The following SYT9 variants were observed in gnomAD, a reference collection of about 807,000 sequenced individuals.
SYT9 encodes the protein synaptotagmin 9.
SYT9 carries 22 observed loss-of-function variants against 48.4 expected under a neutral mutation model. The observed-to-expected ratio is 0.45, with a 90% CI of 0.32 to 0.65. The LOEUF (loss-of-function observed/expected upper bound fraction) is 0.65. Among genes scored for constraint, SYT9 ranks in the 30% least tolerant of loss-of-function variants. The pLI is 0.03. For missense variants in SYT9, 577 were observed against 622.0 expected (o/e 0.93, Z 0.77); for synonymous variants, 265 against 245.0 (o/e 1.08, Z -0.76).
intron 3 of SYT9, among the ~76,000 whole-genome samples, chr11:7,390,516 T>C (rs1183351532): frequency 1.3e-5 from 2 of 152,202 alleles, no homozygotes; most frequent in South Asian, 4.1e-4. Flanking sequence ...TTTAAATGTT[T>C]ATTAATAATT....
At chr11:7,261,357 G>C (rs1307965989) in intron 1 of SYT9, among the ~76,000 whole-genome samples, 2 of 152,088 alleles carry the variant, frequency 1.3e-5, no homozygotes, top group East Asian at 3.9e-4. Context: ...TGATTGGAGA[G>C]GTTATAGTAG....
At chr11:7,362,230 C>T (rs556734524) in intron 3 of SYT9, among the ~76,000 whole-genome samples, 42 of 149,310 alleles carry the variant, frequency 2.8e-4, no homozygotes, top group African/African-American at 1.0e-3. Context: ...CTGCAACCTC[C>T]ACCTCCTGGG....
chr11:7,310,017 G>A (rs542751853), intron 2 of SYT9, among the ~76,000 whole-genome samples: 1 of 152,328 alleles, frequency 6.6e-6, no homozygotes, highest in Admixed American at 6.5e-5. Flanking sequence ...TTTCCCAAGA[G>A]TAAGTGTGAT....
chr11:7,416,090 A>G lies in SYT9; in HGVS notation c.1093A>G (p.Thr365Ala), dbSNP rs138787124. 7.2e-5 allele frequency: 116 copies of G among 1,614,186 alleles called. No individual in the cohort carries two copies. In the African/African-American group the frequency reaches 1.4e-3, roughly 19 times the overall value. Residue 365 changes from threonine (T) to alanine (A), a missense_variant, in exon 4 of 7, where the codon ACG (threonine) becomes GCG (alanine). Transcript: ENST00000318881. Reference protein sequence around the residue: ...ELMFSLCYLPTAGRLTITIIK... With the variant: ...ELMFSLCYLPAAGRLTITIIK... ...GATGTTTTCCCTGTGCTATCTTCCA[A>G]CGGCTGGCAGGCTGACCATTACCAT...
chr11:7,394,485 G>A (rs1846706821), intron 3 of SYT9, among the ~76,000 whole-genome samples: 1 of 152,124 alleles, frequency 6.6e-6, no homozygotes, highest in Non-Finnish European at 1.5e-5. Context: ...CCAGTAATGG[G>A]ATGGCTGGGT....
intron 5 of SYT9, among the ~76,000 whole-genome samples, 186 bp downstream of exon 5, chr11:7,418,314 A>G (rs540041726): frequency 8.5e-5 from 13 of 152,336 alleles, no homozygotes; most frequent in Non-Finnish European, 1.8e-4. Context: ...TCAGACTACC[A>G]AAGTGTCTCT....
At chr11:7,340,286 T>G (rs896805473) in intron 3 of SYT9, among the ~76,000 whole-genome samples, 1 of 152,242 alleles carries the variant, frequency 6.6e-6, no homozygotes, top group Admixed American at 6.5e-5. Context: ...CTTAGTTTTC[T>G]TGAGATGAGT....
intron 1 of SYT9, among the ~76,000 whole-genome samples, chr11:7,269,521 T>C (rs1208052987): frequency 6.6e-6 from 1 of 152,140 alleles, no homozygotes; most frequent in Non-Finnish European, 1.5e-5. Context: ...ATTCAGGTTC[T>C]TTCTGTCTTT....
In SYT9 at chr11:7,467,523, A is replaced by C. The variant is rs1333836447; in HGVS notation, c.*723A>C. The stretch of plus-strand genomic sequence containing the variant: ...CAGAGACCCCCAACACTACTCACTC[A>C]GTAGCTAGCAGCCCCTTCCTTTCAA... On this transcript the variant is annotated 3_prime_UTR_variant, in exon 7 of 7. Transcript: ENST00000318881. 6.6e-6 allele frequency: 1 copy of C among 152,258 alleles called. No homozygotes were observed. The highest frequency in any genetic ancestry group is 1.5e-5 in the Non-Finnish European group (1 of 68,078). 9.4% of individuals were successfully genotyped at this position (152,258 alleles called of 1,614,324 possible). A position where few individuals can be genotyped will look rare whatever the true frequency, so the allele number is the denominator to read the frequency against.
intron 1 of SYT9, among the ~76,000 whole-genome samples, chr11:7,284,761 T>C (rs981138202): frequency 6.6e-6 from 1 of 152,158 alleles, no homozygotes; most frequent in African/African-American, 2.4e-5. Flanking sequence ...TTTGCCAATT[T>C]CTTCCCCTCC....
intron 1 of SYT9, among the ~76,000 whole-genome samples, chr11:7,297,106 G>C (rs938268387): frequency 6.6e-6 from 1 of 151,180 alleles, no homozygotes; most frequent in Non-Finnish European, 1.5e-5. Flanking sequence ...GAGAGACAGA[G>C]AGAGAGAGAG....
intron 1 of SYT9, among the ~76,000 whole-genome samples, chr11:7,268,095 T>G (rs1848224974): frequency 6.6e-6 from 1 of 151,988 alleles, no homozygotes; most frequent in Non-Finnish European, 1.5e-5. Context: ...ATAGGTTAAG[T>G]TTAACAAAAT....
intron 6 of SYT9, chr11:7,436,084 G>A (rs1249951553): frequency 1.3e-5 from 2 of 152,222 alleles, no homozygotes; most frequent in African/African-American, 4.8e-5. Flanking sequence ...ATCTGGGCCA[G>A]ATTCAGGACT....
At chr11:7,455,483 G>A (rs1049621593) in intron 6 of SYT9, among the ~76,000 whole-genome samples, 10 of 150,642 alleles carry the variant, frequency 6.6e-5, no homozygotes, top group Non-Finnish European at 1.3e-4. Context: ...ACAGGCACCC[G>A]CCACCACGCC....
intron 6 of SYT9, among the ~76,000 whole-genome samples, chr11:7,445,936 A>G (rs1387717427): frequency 1.3e-5 from 2 of 152,166 alleles, no homozygotes; most frequent in Admixed American, 6.5e-5. Context: ...ATCCTACCCT[A>G]CTGTACACGG....
intron 3 of SYT9, among the ~76,000 whole-genome samples, chr11:7,414,452 C>A (rs978154844): frequency 2.6e-5 from 4 of 152,216 alleles, no homozygotes; most frequent in African/African-American, 9.6e-5. Flanking sequence ...CTGGGTCAAT[C>A]CTTCCCTCTT....
At chr11:7,394,106 C>T (rs1487519710) in intron 3 of SYT9, among the ~76,000 whole-genome samples, 1 of 150,890 alleles carries the variant, frequency 6.6e-6, no homozygotes, top group Non-Finnish European at 1.5e-5. Flanking sequence ...TGCTATCCCT[C>T]CCCCCTTCCC....
intron 6 of SYT9, chr11:7,441,826 G>A (rs1847834636): frequency 6.6e-6 from 1 of 152,090 alleles, no homozygotes; most frequent in Admixed American, 6.5e-5. Flanking sequence ...CAAAAGGAAT[G>A]GGACTGTGTG....
At chr11:7,443,227 C>T (rs1847860793) in intron 6 of SYT9, among the ~76,000 whole-genome samples, 1 of 152,212 alleles carries the variant, frequency 6.6e-6, no homozygotes, top group South Asian at 2.1e-4. Context: ...TGAGCAAGTG[C>T]AAAGCACCCT....
Sources: gnomAD v4.1 joint callset for allele counts (sites outside exome capture counted in the v4.1 genomes callset) on GRCh38, gnomAD v4.1.1 for gene constraint, MANE v1.5 for transcripts, NCBI Gene and HGNC (gene_info 2026-07-23, HGNC 2026-07-21) for gene names.